Variants in SLC26A4 observed in about 807,000 individuals in gnomAD.
SLC26A4 encodes the protein pendrin.
Under a neutral mutation model 90.4 loss-of-function variants are expected in SLC26A4, and 93 were observed. The ratio of observed to expected loss-of-function variants is 1.03; its 90% CI spans 0.87 to 1.22. SLC26A4 has a LOEUF of 1.22. Among genes scored for constraint, SLC26A4 ranks in the 50% most tolerant of loss-of-function variants. SLC26A4 has a pLI of 0.00. For synonymous variants in SLC26A4, 393 were observed against 354.6 expected (o/e 1.11, Z -1.22); for missense variants, 1,127 against 946.2 (o/e 1.19, Z -2.51).
intron 10 of SLC26A4, chr7:107,691,987 C>G: frequency 7.8e-7 from 1 of 1,288,920 alleles, no homozygotes; most frequent in Non-Finnish European, 1.0e-6. Flanking sequence ...AGCACATGGT[C>G]TTCAGCGGGT....
intron 3 of SLC26A4, among the ~76,000 whole-genome samples, chr7:107,670,112 AT>A (rs35349410): frequency 0.026 from 3,712 of 142,408 alleles, 126 homozygotes; most frequent in African/African-American, 0.085. Context: ...ATACCTCCAG[AT>A]TTTTTTTTTT....
At chr7:107,697,393 A>C (rs537736813) in intron 13 of SLC26A4, among the ~76,000 whole-genome samples, 1 of 152,338 alleles carries the variant, frequency 6.6e-6, no homozygotes, top group South Asian at 2.1e-4. Flanking sequence ...GCTGATCCAG[A>C]GAGCACAATG....
At chr7:107,692,450 C>G (rs969888732) in intron 10 of SLC26A4, among the ~76,000 whole-genome samples, 2 of 152,094 alleles carry the variant, frequency 1.3e-5, no homozygotes, top group Non-Finnish European at 2.9e-5. Flanking sequence ...GAGGATTAGG[C>G]AAGAAAATGT....
intron 20 of SLC26A4, among the ~76,000 whole-genome samples, chr7:107,713,577 T>C (rs940758129): frequency 6.6e-6 from 1 of 152,186 alleles, no homozygotes; most frequent in African/African-American, 2.4e-5. Context: ...CAGTCAGTGC[T>C]TCTCTGGTCA....
intron 8 of SLC26A4, among the ~76,000 whole-genome samples, chr7:107,685,313 A>G (rs1791366179): frequency 6.6e-6 from 1 of 152,174 alleles, no homozygotes; most frequent in Non-Finnish European, 1.5e-5. Context: ...AGCAATTCTG[A>G]TGATATTAAC....
intron 8 of SLC26A4, among the ~76,000 whole-genome samples, chr7:107,685,044 T>C (rs1355440633): frequency 1.3e-5 from 2 of 152,174 alleles, no homozygotes; most frequent in Non-Finnish European, 2.9e-5. Context: ...CCCTTGAGTT[T>C]AATGAAGCTG....
At chr7:107,702,802 A>G (rs2129318499) in intron 17 of SLC26A4, among the ~76,000 whole-genome samples, 1 of 152,294 alleles carries the variant, frequency 6.6e-6, no homozygotes, top group Admixed American at 6.5e-5. Flanking sequence ...AAAGAAAAAA[A>G]TGGGCAAAAG....
At chr7:107,700,352 G>A (rs539584689) in intron 15 of SLC26A4, among the ~76,000 whole-genome samples, 177 bp downstream of exon 15, 1 of 152,128 alleles carries the variant, frequency 6.6e-6, no homozygotes, top group East Asian at 1.9e-4. Context: ...TCTATTTGGG[G>A]ATTAAAAAAA....
At chr7:107,677,912 C>T (rs1791071251) in intron 6 of SLC26A4, among the ~76,000 whole-genome samples, 1 of 152,096 alleles carries the variant, frequency 6.6e-6, no homozygotes, top group Non-Finnish European at 1.5e-5. Context: ...CCACCATGTC[C>T]AGCCCATATT....
intron 3 of SLC26A4, among the ~76,000 whole-genome samples, chr7:107,671,375 G>A (rs118056863): frequency 0.039 from 5,998 of 152,128 alleles, 169 homozygotes; most frequent in Non-Finnish European, 0.058. Flanking sequence ...TTCCAGGCTG[G>A]TCTCAAACTC....
At chr7:107,702,577 C>A (rs1791926883) in intron 17 of SLC26A4, among the ~76,000 whole-genome samples, 1 of 151,638 alleles carries the variant, frequency 6.6e-6, no homozygotes, top group Non-Finnish European at 1.5e-5. Flanking sequence ...GTAGTCCCAG[C>A]TCCTAGGAGG....
chr7:107,704,641 T>C (rs569646768), intron 18 of SLC26A4, among the ~76,000 whole-genome samples: 6 of 152,290 alleles, frequency 3.9e-5, no homozygotes, highest in African/African-American at 1.4e-4. Context: ...ACAAAGAGTA[T>C]ATTAGTCCAT....
At chr7:107,700,651 A>G (rs1791860632) in intron 15 of SLC26A4, among the ~76,000 whole-genome samples, 1 of 152,194 alleles carries the variant, frequency 6.6e-6, no homozygotes, top group Non-Finnish European at 1.5e-5. Context: ...TGGAATAAAT[A>G]AGTAGAAAAT....
At position 107,680,367 on chromosome 7, in the gene SLC26A4, C is replaced by T. The variant is rs1340622401; in HGVS notation, c.766-2835C>T. ...ATGTTATATTATTATATAATCTTAT[C>T]TTATTATATAATGTTATATTATTAT... On this transcript the variant is annotated intron_variant, in intron 6 of 20. Transcript: ENST00000644269. 2.2e-5 allele frequency among the ~76,000 whole-genome samples: 3 copies of T among 134,884 alleles called. No individual in the cohort carries two copies. In the South Asian group the frequency reaches 6.8e-4, roughly 31 times the overall value. 88.5% of individuals were successfully genotyped at this position (134,884 alleles called of 152,430 possible).
chr7:107,686,300 C>T (rs796459856), intron 8 of SLC26A4, among the ~76,000 whole-genome samples: 12 of 37,114 alleles, frequency 3.2e-4, no homozygotes, highest in Non-Finnish European at 1.2e-4. Flanking sequence ...TCCTACCTTC[C>T]CTCCCTTCCC....
chr7:107,711,778 A>G (rs935135918), intron 19 of SLC26A4, among the ~76,000 whole-genome samples: 8 of 152,178 alleles, frequency 5.3e-5, no homozygotes, highest in African/African-American at 1.7e-4. Flanking sequence ...CTATCTCAGG[A>G]CACAACTTGT....
intron 8 of SLC26A4, among the ~76,000 whole-genome samples, chr7:107,685,541 C>A (rs1036431451): frequency 6.6e-6 from 1 of 152,168 alleles, no homozygotes; most frequent in Non-Finnish European, 1.5e-5. Flanking sequence ...AACCTAGGAC[C>A]ATACGTTAGG....
intron 4 of SLC26A4, 53 bp downstream of exon 4, chr7:107,672,301 G>A: frequency 8.7e-7 from 1 of 1,148,482 alleles, no homozygotes; most frequent in East Asian, 2.6e-5. Flanking sequence ...AAGTGTTTTG[G>A]CTATATTAAG....
chr7:107,712,693 A>C, intron 20 of SLC26A4, 71 bp downstream of exon 20: 1 of 840,066 alleles, frequency 1.2e-6, no homozygotes, highest in Admixed American at 1.7e-5. Flanking sequence ...CAAATAGTGA[A>C]TATATCTGAT....
Sources: allele counts gnomAD v4.1 joint callset (sites outside exome capture counted in the v4.1 genomes callset), GRCh38; gene constraint gnomAD v4.1.1; transcripts MANE v1.5; gene names NCBI Gene and HGNC (gene_info 2026-07-23, HGNC 2026-07-21).